The following DCAF6 variants were observed in gnomAD, a reference collection of about 807,000 sequenced individuals.
DCAF6 encodes the protein DDB1- and CUL4-associated factor 6.
Under a neutral mutation model 125.1 loss-of-function variants are expected in DCAF6, and 54 were observed. The observed-to-expected ratio is 0.43, with a 90% confidence interval of 0.35 to 0.54. The LOEUF (loss-of-function observed/expected upper bound fraction) is 0.54, where lower values mean the gene tolerates loss of function less well. DCAF6 is among the 20% of genes least tolerant of loss of function. The pLI is 0.01. For synonymous variants in DCAF6, 371 were observed against 390.4 expected (o/e 0.95, Z 0.58); for missense variants, 934 against 1,161.7 (o/e 0.80, Z 2.85).
the DCAF6 span, among the ~76,000 whole-genome samples, chr1:167,887,793 C>G: frequency 3.0e-4 from 45 of 150,560 alleles, no homozygotes; most frequent in African/African-American, 1.0e-3. Flanking sequence ...AAAAAAAACA[C>G]TTGATGTTAT....
chr1:167,999,420 G>A (rs1376286411), intron 7 of DCAF6, among the ~76,000 whole-genome samples: 1 of 152,290 alleles, frequency 6.6e-6, no homozygotes, highest in African/African-American at 2.4e-5. Context: ...CATGTCCTTC[G>A]AAGCTTTGAA....
intron 12 of DCAF6, among the ~76,000 whole-genome samples, chr1:168,029,148 T>C (rs934920120): frequency 1.3e-5 from 2 of 152,228 alleles, no homozygotes; most frequent in Non-Finnish European, 2.9e-5. Flanking sequence ...TGTTCTACTC[T>C]TCTGCTGATC....
chr1:167,948,360 C>T (rs1424720745), intron 1 of DCAF6, among the ~76,000 whole-genome samples: 1 of 152,086 alleles, frequency 6.6e-6, no homozygotes, highest in African/African-American at 2.4e-5. Flanking sequence ...TGTGTTTTGT[C>T]TCTCCTTGGT....
chr1:167,918,078 C>A, the DCAF6 span: 1 of 378,078 alleles, frequency 2.6e-6, no homozygotes, highest in Non-Finnish European at 4.8e-6. Flanking sequence ...TATATACGAG[C>A]AAGTATGGTT....
At chr1:167,900,594 G>A in the DCAF6 span, among the ~76,000 whole-genome samples, 5 of 151,708 alleles carry the variant, frequency 3.3e-5, no homozygotes, top group African/African-American at 7.3e-5. Context: ...GTGCAATGGC[G>A]CCATCTCGGC....
the DCAF6 span, among the ~76,000 whole-genome samples, chr1:167,886,475 T>C: frequency 4.0e-4 from 61 of 152,270 alleles, no homozygotes; most frequent in African/African-American, 1.4e-3. Flanking sequence ...TAAATGGTGC[T>C]GGGAAAACTG....
At chr1:168,003,708 A>G (rs973561376) in intron 8 of DCAF6, among the ~76,000 whole-genome samples, 162 bp from the exon 9 acceptor site, 5 of 152,184 alleles carry the variant, frequency 3.3e-5, no homozygotes, top group Non-Finnish European at 5.9e-5. Flanking sequence ...ATAAAATGTG[A>G]TGAGAGCTCT....
At chr1:167,871,281 T>C in the DCAF6 span, among the ~76,000 whole-genome samples, 1 of 152,230 alleles carries the variant, frequency 6.6e-6, no homozygotes, top group South Asian at 2.1e-4. Flanking sequence ...TTACCAGGGA[T>C]AAAATTCAAT....
At chr1:167,957,784 C>T (rs1380980559) in intron 2 of DCAF6, among the ~76,000 whole-genome samples, 2 of 152,074 alleles carry the variant, frequency 1.3e-5, no homozygotes, top group Admixed American at 1.3e-4. Flanking sequence ...ACATCCTTGC[C>T]AACTCTTATT....
intron 2 of DCAF6, among the ~76,000 whole-genome samples, chr1:167,958,058 T>C (rs1380983311): frequency 1.3e-5 from 2 of 152,210 alleles, no homozygotes; most frequent in African/African-American, 4.8e-5. Flanking sequence ...TTATCAGATA[T>C]ATGATTTGCA....
chr1:168,062,158 AT>A (rs1253395736), intron 17 of DCAF6, among the ~76,000 whole-genome samples: 1 of 152,202 alleles, frequency 6.6e-6, no homozygotes, highest in Non-Finnish European at 1.5e-5. Context: ...CATAAAAAAA[AT>A]GTATTATTCC....
chr1:168,070,415 C>T (rs145205107), intron 21 of DCAF6, among the ~76,000 whole-genome samples: 51 of 152,210 alleles, frequency 3.4e-4, no homozygotes, highest in African/African-American at 1.2e-3. Context: ...GGACTTGGAT[C>T]AAATAAGCAC....
At chr1:167,891,115 C>G in the DCAF6 span, among the ~76,000 whole-genome samples, 52 of 152,134 alleles carry the variant, frequency 3.4e-4, no homozygotes, top group African/African-American at 1.2e-3. Flanking sequence ...GTGTGTGCCA[C>G]CGCGCCTGGC....
At chr1:167,912,671 C>T in the DCAF6 span, among the ~76,000 whole-genome samples, 2 of 152,234 alleles carry the variant, frequency 1.3e-5, no homozygotes, top group East Asian at 1.9e-4. Flanking sequence ...AGCTTCTTCC[C>T]TCTTTCCTCT....
intron 11 of DCAF6, among the ~76,000 whole-genome samples, 165 bp downstream of exon 11, chr1:168,016,116 G>A (rs1684944753): frequency 1.3e-5 from 2 of 152,138 alleles, no homozygotes. Flanking sequence ...ACGTGTTAGG[G>A]GGACAGATTG....
intron 2 of DCAF6, among the ~76,000 whole-genome samples, chr1:167,964,972 A>C (rs1676173924): frequency 6.6e-6 from 1 of 152,140 alleles, no homozygotes; most frequent in Non-Finnish European, 1.5e-5. Context: ...TGGAACTCTT[A>C]GCATGCTAAT....
chr1:168,017,697 A>G (rs1246150476), intron 11 of DCAF6, among the ~76,000 whole-genome samples: 1 of 152,156 alleles, frequency 6.6e-6, no homozygotes, highest in Non-Finnish European at 1.5e-5. Context: ...ATACATAATA[A>G]TTAAATGCAG....
chr1:168,010,634 T>C (rs1010510813), intron 10 of DCAF6, among the ~76,000 whole-genome samples: 1 of 152,152 alleles, frequency 6.6e-6, no homozygotes, highest in Non-Finnish European at 1.5e-5. Context: ...AAAGACTGCT[T>C]TTTAAAATGT....
intron 16 of DCAF6, among the ~76,000 whole-genome samples, chr1:168,049,646 ATTTT>A (rs756012977): frequency 1.1e-5 from 1 of 90,294 alleles, no homozygotes; most frequent in African/African-American, 5.4e-5. Context: ...TCTGCATATA[ATTTT>A]TTTTTTTTTT....
Sources: gnomAD v4.1 joint callset for allele counts (sites outside exome capture counted in the v4.1 genomes callset) on GRCh38, gnomAD v4.1.1 for gene constraint, MANE v1.5 for transcripts, NCBI Gene and HGNC (gene_info 2026-07-23, HGNC 2026-07-21) for gene names.